HSD17B3: variants seen among roughly 807,000 people sequenced by gnomAD.
HSD17B3 encodes the protein hydroxysteroid 17-beta dehydrogenase 3, also known as 17-beta-hydroxysteroid dehydrogenase type 3.
A neutral mutation model predicts 41.1 loss-of-function variants in HSD17B3; 29 were observed. That is an observed-to-expected ratio of 0.71 (90% CI 0.53 to 0.96). HSD17B3 has a LOEUF of 0.96. HSD17B3 is among the 40% of genes least tolerant of loss of function. HSD17B3 has a pLI of 0.00. For missense variants in HSD17B3, 323 were observed against 374.6 expected, an observed-to-expected ratio of 0.86 and a Z score of 1.14; for synonymous variants, 126 against 145.6, an observed-to-expected ratio of 0.87 and a Z score of 0.97.
chr9:96,249,741 G>C lies in HSD17B3; in HGVS notation c.489+10C>G. Reference sequence around the variant, plus strand: ...TGTTAATGCATTTCGCACATATATTGATCACATACCTTGACTACGGAGGTG... The same window carrying C: ...TGTTAATGCATTTCGCACATATATTCATCACATACCTTGACTACGGAGGTG... On this transcript the variant is annotated intron_variant, in intron 6 of 10. Transcript: ENST00000375263. The C allele has an allele frequency of 1.2e-6, 2 of 1,613,410 alleles. No individual in the cohort carries two copies. Among genetic ancestry groups the C allele is most frequent in the South Asian group, 2.2e-5 (2 of 91,070 alleles).
intron 2 of HSD17B3, among the ~76,000 whole-genome samples, chr9:96,255,295 T>C (rs934510820): frequency 6.6e-6 from 1 of 150,478 alleles, no homozygotes; most frequent in Non-Finnish European, 1.5e-5. Flanking sequence ...CTGGGGACTT[T>C]ATACTATATC....
At chr9:96,249,997 C>T (rs1048423016) in intron 5 of HSD17B3, 15 of 1,454,958 alleles carry the variant, frequency 1.0e-5, no homozygotes, top group African/African-American at 8.5e-5. Flanking sequence ...TCTGTACCCA[C>T]GTCATCTTGA....
chr9:96,272,862 A>G (rs1048022541), intron 2 of HSD17B3, among the ~76,000 whole-genome samples: 10 of 152,184 alleles, frequency 6.6e-5, no homozygotes, highest in African/African-American at 2.4e-4. Flanking sequence ...CATCCATACC[A>G]TGGAATTCTA....
intron 2 of HSD17B3, among the ~76,000 whole-genome samples, chr9:96,276,116 A>G (rs1826445929): frequency 1.3e-5 from 2 of 148,772 alleles, no homozygotes; most frequent in Non-Finnish European, 3.0e-5. Context: ...ATAAAAAAAA[A>G]AAAAAAAAAA....
At chr9:96,290,364 A>G (rs1003491374) in intron 2 of HSD17B3, among the ~76,000 whole-genome samples, 1 of 151,978 alleles carries the variant, frequency 6.6e-6, no homozygotes, top group Non-Finnish European at 1.5e-5. Context: ...TGGACACAAT[A>G]CATAAAACAA....
intron 2 of HSD17B3, among the ~76,000 whole-genome samples, chr9:96,255,576 G>A (rs1039827010): frequency 2.0e-5 from 3 of 151,788 alleles, no homozygotes; most frequent in South Asian, 2.1e-4. Context: ...TTTTAGTGGA[G>A]ACAGGGTTTC....
chr9:96,278,381 A>G (rs544669121), intron 2 of HSD17B3, among the ~76,000 whole-genome samples: 5 of 152,358 alleles, frequency 3.3e-5, no homozygotes, highest in Admixed American at 1.3e-4. Context: ...AAGAAGTCAT[A>G]CACTTAAATA....
intron 2 of HSD17B3, among the ~76,000 whole-genome samples, chr9:96,259,197 C>A (rs924851094): frequency 1.3e-5 from 2 of 152,180 alleles, no homozygotes; most frequent in Non-Finnish European, 2.9e-5. Context: ...CTGCTGGGAG[C>A]CATTTACCAG....
intron 9 of HSD17B3, among the ~76,000 whole-genome samples, chr9:96,242,016 G>GAGAAAGA: frequency 7.6e-6 from 1 of 131,378 alleles, no homozygotes; most frequent in Admixed American, 7.6e-5. Flanking sequence ...AGAAAGAAAA[G>GAGAAAGA]AAAGAAAAGA....
rs8190519 is a variant in HSD17B3, at chr9:96,286,966, T to A, written c.201+11450A>T. Among the ~76,000 whole-genome samples, 93 of 152,322 alleles carry A rather than the reference T, an allele frequency of 6.1e-4. 1 individual carries two copies. Among genetic ancestry groups the A allele is most frequent in the African/African-American group, 2.2e-3 (91 of 41,582 alleles). ...TTATTCCTTTACTTTCGTAATAATC[T>A]TGCTTTCACTTTATGGACTTGCCCT... On this transcript the variant is annotated intron_variant, in intron 2 of 10. Coordinates refer to ENST00000375263, the MANE Select transcript of HSD17B3 (RefSeq NM_000197.2).
intron 6 of HSD17B3, chr9:96,249,492 G>A (rs1836806835): frequency 9.9e-6 from 5 of 503,574 alleles, no homozygotes; most frequent in South Asian, 9.4e-5. Flanking sequence ...CAGCATCATC[G>A]AGCTTAGTAT....
intron 2 of HSD17B3, among the ~76,000 whole-genome samples, chr9:96,265,307 T>C (rs1826012007): frequency 6.6e-6 from 1 of 152,256 alleles, no homozygotes; most frequent in African/African-American, 2.4e-5. Context: ...TAAATCCCTA[T>C]TGCTTAAATG....
At chr9:96,250,138 G>T (rs751759875) in intron 5 of HSD17B3, 12 of 1,260,242 alleles carry the variant, frequency 9.5e-6, no homozygotes, top group Non-Finnish European at 1.2e-5. Context: ...GAGTCCAGGA[G>T]AACAGAAAGA....
At chr9:96,241,902 T>A (rs1422481292) in intron 9 of HSD17B3, among the ~76,000 whole-genome samples, 1 of 134,670 alleles carries the variant, frequency 7.4e-6, no homozygotes, top group Non-Finnish European at 1.5e-5. Flanking sequence ...GCCACTACAC[T>A]CCAGCCTAGG....
intron 2 of HSD17B3, among the ~76,000 whole-genome samples, chr9:96,255,301 A>G (rs1825588515): frequency 7.0e-6 from 1 of 142,884 alleles, no homozygotes; most frequent in Non-Finnish European, 1.5e-5. Flanking sequence ...ACTTTATACT[A>G]TATCTTATGT....
At chr9:96,287,316 C>T (rs1052215401) in intron 2 of HSD17B3, among the ~76,000 whole-genome samples, 14 of 152,166 alleles carry the variant, frequency 9.2e-5, no homozygotes, top group African/African-American at 2.7e-4. Flanking sequence ...CAGGTGAGAC[C>T]GAACACACCA....
chr9:96,235,366 G>T lies in HSD17B3; in HGVS notation c.*94C>A, dbSNP rs749630404. 12 of 848,994 alleles carry T rather than the reference G, an allele frequency of 1.4e-5. No individual in the cohort carries two copies. The highest frequency in any genetic ancestry group is 2.2e-5 in the Non-Finnish European group (11 of 505,550). The allele number at this position is 848,994 out of a possible 1,614,324, so 52.6% of individuals were successfully genotyped here. A position where few individuals can be genotyped will look rare whatever the true frequency, so the allele number is the denominator to read the frequency against. On this transcript the variant is annotated 3_prime_UTR_variant, in exon 11 of 11. Coordinates refer to ENST00000375263, the MANE Select transcript of HSD17B3 (RefSeq NM_000197.2). ...GACCCCAGCCCCCTCCATCTTCAGCGGACTAGGTTGAAGTGCTGGTCTGCT... is the reference window on the plus strand; with the variant it reads ...GACCCCAGCCCCCTCCATCTTCAGCTGACTAGGTTGAAGTGCTGGTCTGCT...
intron 2 of HSD17B3, among the ~76,000 whole-genome samples, chr9:96,271,696 T>C (rs1375598629): frequency 2.6e-5 from 4 of 152,258 alleles, no homozygotes; most frequent in Admixed American, 6.5e-5. Context: ...GGGAAAGCTC[T>C]CATTTTTTGT....
intron 2 of HSD17B3, 149 bp from the exon 3 acceptor site, chr9:96,255,092 G>C (rs553403467): frequency 6.3e-5 from 46 of 732,904 alleles, no homozygotes; most frequent in Middle Eastern, 4.9e-4. Flanking sequence ...ATGTGACAAA[G>C]CTTTCTGGGC....
Sources: gnomAD v4.1 joint callset for allele counts (sites outside exome capture counted in the v4.1 genomes callset) on GRCh38, gnomAD v4.1.1 for gene constraint, MANE v1.5 for transcripts, NCBI Gene and HGNC (gene_info 2026-07-23, HGNC 2026-07-21) for gene names.